CFAP299: variants seen among roughly 807,000 people sequenced by gnomAD.
CFAP299 encodes the protein cilia and flagella associated protein 299, also known as cilia- and flagella-associated protein 299.
In CFAP299, 21 loss-of-function variants were observed where a neutral mutation model predicts 27.0. That is an observed-to-expected ratio of 0.78 (90% confidence interval 0.55 to 1.12). The LOEUF is 1.12. Among genes scored for constraint, CFAP299 ranks in the 50% most tolerant of loss-of-function variants. The pLI, the probability that CFAP299 is intolerant of heterozygous loss-of-function variation, is 0.00. For synonymous variants in CFAP299, 104 were observed against 98.1 expected (o/e 1.06, Z -0.36); for missense variants, 310 against 276.6 (o/e 1.12, Z -0.86).
chr4:80,759,715 G>A (rs1297921781), intron 3 of CFAP299, among the ~76,000 whole-genome samples: 1 of 152,052 alleles, frequency 6.6e-6, no homozygotes, highest in Non-Finnish European at 1.5e-5. Flanking sequence ...ATAGCAAACT[G>A]GAATTACTTG....
rs560117190 is a variant in CFAP299, at chr4:80,394,495, G to T, written c.242+31611G>T. ...TTGGGGACTTATCTAAGAATTTATT[G>T]CTTCCTCCAATATCAAGAAGCTTTT... On this transcript the variant is annotated intron_variant, in intron 2 of 5. Transcript: ENST00000358105. 3.0e-3 allele frequency among the ~76,000 whole-genome samples: 443 copies of T among 149,286 alleles called. 2 individuals are homozygous for T. The highest frequency in any genetic ancestry group is 4.7e-3 in the Non-Finnish European group (319 of 67,406).
rs923992859 is a variant in CFAP299 at position 80,614,244 on chromosome 4, T to G, written c.333+31061T>G. On this transcript the variant is annotated intron_variant, in intron 3 of 5. Transcript: ENST00000358105. ...AGTTTTGATTAAAATTAACGGCTACTTAGAATATTTTAAGTCTTCAAGGAG... is the reference window on the plus strand; with the variant it reads ...AGTTTTGATTAAAATTAACGGCTACGTAGAATATTTTAAGTCTTCAAGGAG... Among the ~76,000 whole-genome samples the G allele has an allele frequency of 2.0e-5, 3 of 152,178 alleles. 1 individual carries two copies. The highest frequency in any genetic ancestry group is 7.2e-5 in the African/African-American group (3 of 41,408).
chr4:80,896,196 T>C (rs1560467144), intron 4 of CFAP299, among the ~76,000 whole-genome samples: 2 of 151,168 alleles, frequency 1.3e-5, no homozygotes, highest in African/African-American at 4.9e-5. Context: ...TAGGTATTTA[T>C]ACTGTTTGAA....
At chr4:80,605,240 T>C (rs1172577953) in intron 3 of CFAP299, among the ~76,000 whole-genome samples, 5 of 152,186 alleles carry the variant, frequency 3.3e-5, no homozygotes, top group Non-Finnish European at 5.9e-5. Flanking sequence ...ATACTTCTGG[T>C]GCAGATAAAT....
chr4:80,636,884 C>T (rs1481897986), intron 3 of CFAP299, among the ~76,000 whole-genome samples: 3 of 151,914 alleles, frequency 2.0e-5, no homozygotes, highest in Non-Finnish European at 4.4e-5. Context: ...GTTTGTCCAC[C>T]CCGAGTACAG....
chr4:80,347,963 A>G (rs1722824548), intron 1 of CFAP299, among the ~76,000 whole-genome samples: 1 of 152,154 alleles, frequency 6.6e-6, no homozygotes, highest in Admixed American at 6.5e-5. Flanking sequence ...GAACTGAGCA[A>G]TAGATCAGAA....
At chr4:80,357,667 G>A (rs1322674599) in intron 1 of CFAP299, among the ~76,000 whole-genome samples, 3 of 152,202 alleles carry the variant, frequency 2.0e-5, no homozygotes, top group Middle Eastern at 3.4e-3. Context: ...ATATTTATCT[G>A]GGGTTGGTGG....
intron 2 of CFAP299, among the ~76,000 whole-genome samples, chr4:80,472,324 A>C (rs1398090044): frequency 3.9e-5 from 6 of 152,210 alleles, no homozygotes; most frequent in Non-Finnish European, 7.3e-5. Context: ...TATTAGAGTG[A>C]AAGAACTCTA....
chr4:80,447,078 C>T (rs1220203241), intron 2 of CFAP299, among the ~76,000 whole-genome samples: 1 of 149,898 alleles, frequency 6.7e-6, no homozygotes, highest in East Asian at 2.0e-4. Context: ...ATGTGATTAA[C>T]AATGGTAGTG....
At chr4:80,800,652 TATATATGATATATTAATATAA>T (rs1560419624) in intron 3 of CFAP299, among the ~76,000 whole-genome samples, 1 of 86,868 alleles carries the variant, frequency 1.2e-5, no homozygotes, top group African/African-American at 5.8e-5. Context: ...TATATTAATA[TATATATGATATATTAATATAA>T]ATATATGATA....
At chr4:80,347,681 A>T (rs910155615) in intron 1 of CFAP299, among the ~76,000 whole-genome samples, 3 of 152,234 alleles carry the variant, frequency 2.0e-5, no homozygotes, top group African/African-American at 7.2e-5. Context: ...AGGAAGAATT[A>T]ATGTTGTAAA....
intron 3 of CFAP299, among the ~76,000 whole-genome samples, chr4:80,664,056 T>G (rs1175543767): frequency 1.3e-5 from 2 of 152,178 alleles, no homozygotes; most frequent in African/African-American, 4.8e-5. Context: ...ATGAATAGAT[T>G]GCAAAATTTT....
chr4:80,420,142 T>A (rs1315454603), intron 2 of CFAP299: 1 of 454,142 alleles, frequency 2.2e-6, no homozygotes, highest in African/African-American at 2.0e-5. Flanking sequence ...GGTCTTGTGA[T>A]GTAAATGAAA....
At chr4:80,734,135 G>GTTT (rs1723710596) in intron 3 of CFAP299, among the ~76,000 whole-genome samples, 1 of 151,960 alleles carries the variant, frequency 6.6e-6, no homozygotes, top group Non-Finnish European at 1.5e-5. Flanking sequence ...ATTTCCTATT[G>GTTT]CCTGACTTTT....
chr4:80,673,343 G>T (rs1036564539), intron 3 of CFAP299, among the ~76,000 whole-genome samples: 9 of 152,098 alleles, frequency 5.9e-5, no homozygotes, highest in African/African-American at 2.2e-4. Flanking sequence ...TTAATCCTGA[G>T]TTCTACTTTG....
chr4:80,800,827 C>CACA (rs951269545), intron 3 of CFAP299, among the ~76,000 whole-genome samples: 4 of 141,194 alleles, frequency 2.8e-5, no homozygotes, highest in African/African-American at 1.1e-4. Context: ...CTCACATGAT[C>CACA]ACAAGGTCCC....
Position 80,468,565 on chromosome 4 carries a change from C to T in CFAP299, c.242+105681C>T, listed in dbSNP as rs566628204. On this transcript the variant is annotated intron_variant, in intron 2 of 5. Coordinates refer to ENST00000358105, the MANE Select transcript of CFAP299 (RefSeq NM_152770.3). Reference sequence around the variant, plus strand: ...TAAAAGGCAGTGAGGCTGGGCATGGCGACTCATGCCTGTAATCCCAGCATT... The same window carrying T: ...TAAAAGGCAGTGAGGCTGGGCATGGTGACTCATGCCTGTAATCCCAGCATT... Among the ~76,000 whole-genome samples the T allele has an allele frequency of 9.4e-4, 142 of 151,760 alleles. 1 individual carries two copies. The highest frequency in any genetic ancestry group is 6.9e-4 in the Non-Finnish European group (47 of 67,952).
In CFAP299 at chr4:80,767,480, A is replaced by G. The variant is rs1052385915; in HGVS notation, c.334-102513A>G. On this transcript the variant is annotated intron_variant, in intron 3 of 5. Coordinates refer to ENST00000358105, the MANE Select transcript of CFAP299 (RefSeq NM_152770.3). The stretch of plus-strand genomic sequence containing the variant: ...AAAAATTAGCCAGGCGTGGTGGTGG[A>G]CGCCTGTAGTCCCAGCTACTGAGGA... Among the ~76,000 whole-genome samples the G allele has an allele frequency of 5.9e-5, 9 of 151,972 alleles. No individual in the cohort carries two copies. The South Asian group carries it at 1.0e-3, about 18-fold the overall frequency.
intron 3 of CFAP299, among the ~76,000 whole-genome samples, chr4:80,837,111 C>A (rs79479053): frequency 3.3e-5 from 5 of 151,670 alleles, no homozygotes; most frequent in Admixed American, 6.6e-5. Context: ...GATAAAATTG[C>A]CTTTATTTTT....
Sources: allele counts gnomAD v4.1 joint callset (sites outside exome capture counted in the v4.1 genomes callset), GRCh38; gene constraint gnomAD v4.1.1; transcripts MANE v1.5; gene names NCBI Gene and HGNC (gene_info 2026-07-23, HGNC 2026-07-21).